The following ANKFN1 variants were observed in gnomAD, a reference collection of about 807,000 sequenced individuals.
The protein encoded by ANKFN1 is ankyrin repeat and fibronectin type-III domain-containing protein 1.
In ANKFN1, 74 loss-of-function variants were observed where a neutral mutation model predicts 108.7. The ratio of observed to expected loss-of-function variants is 0.68; its 90% CI spans 0.56 to 0.83. The LOEUF is 0.83. Ranked by LOEUF, ANKFN1 falls within the 40% of genes least tolerant of loss-of-function variation. ANKFN1 has a pLI of 0.00. For missense variants in ANKFN1, 1,505 were observed against 1,382.3 expected (o/e 1.09, Z -1.41); for synonymous variants, 547 against 516.2 (o/e 1.06, Z -0.81).
chr17:56,254,648 G>A (rs2043315125), intron 3 of ANKFN1, among the ~76,000 whole-genome samples: 2 of 152,134 alleles, frequency 1.3e-5, no homozygotes, highest in South Asian at 2.1e-4. Flanking sequence ...AACCCCTAGT[G>A]CACATCAGAA....
rs572060010 is a variant in ANKFN1 at position 56,432,431 on chromosome 17, T to C, written c.911-7896T>C. 3.1e-4 allele frequency among the ~76,000 whole-genome samples: 47 copies of C among 152,330 alleles called. No individual in the cohort carries two copies. In the South Asian group the frequency reaches 9.1e-3, roughly 30 times the overall value. ...ATGTATAATAAAATATTACTACACATAGTAATAAAATGTAATAATAATGAA... is the reference window on the plus strand; with the variant it reads ...ATGTATAATAAAATATTACTACACACAGTAATAAAATGTAATAATAATGAA... On this transcript the variant is annotated intron_variant, in intron 8 of 20. Coordinates refer to ENST00000682825, the MANE Select transcript of ANKFN1 (RefSeq NM_001370326.1).
At chr17:56,397,379 A>G (rs2047618871) in intron 8 of ANKFN1, among the ~76,000 whole-genome samples, 1 of 152,210 alleles carries the variant, frequency 6.6e-6, no homozygotes, top group Admixed American at 6.5e-5. Flanking sequence ...TAATTCATCA[A>G]GGGAATGGTG....
intron 8 of ANKFN1, among the ~76,000 whole-genome samples, chr17:56,436,498 C>G (rs978971917): frequency 6.6e-6 from 1 of 152,138 alleles, no homozygotes; most frequent in Non-Finnish European, 1.5e-5. Flanking sequence ...TACAACTTTC[C>G]AAAGAGAACA....
chr17:56,505,843 CA>C (rs1182079789), intron 20 of ANKFN1, among the ~76,000 whole-genome samples: 1 of 152,162 alleles, frequency 6.6e-6, no homozygotes, highest in East Asian at 1.9e-4. Flanking sequence ...TAGTCCCCTC[CA>C]AACAGTATGT....
At chr17:56,418,959 T>G (rs1161530218) in intron 8 of ANKFN1, among the ~76,000 whole-genome samples, 1 of 152,240 alleles carries the variant, frequency 6.6e-6, no homozygotes, top group Non-Finnish European at 1.5e-5. Context: ...AAGAGAAGCT[T>G]GGTTCAACTC....
At chr17:56,187,781 A>G (rs1312142414) in intron 1 of ANKFN1, among the ~76,000 whole-genome samples, 2 of 152,316 alleles carry the variant, frequency 1.3e-5, no homozygotes, top group South Asian at 4.1e-4. Flanking sequence ...TGTCCTTTAT[A>G]GGGACATGGA....
chr17:56,269,156 C>T (rs1446442932), intron 3 of ANKFN1, among the ~76,000 whole-genome samples: 1 of 152,126 alleles, frequency 6.6e-6, no homozygotes, highest in Non-Finnish European at 1.5e-5. Flanking sequence ...GGTTCTAGGT[C>T]ATGATAGCTG....
chr17:56,310,043 G>A (rs1451557011), intron 3 of ANKFN1, among the ~76,000 whole-genome samples: 1 of 152,180 alleles, frequency 6.6e-6, no homozygotes, highest in Non-Finnish European at 1.5e-5. Flanking sequence ...CCATGATGAT[G>A]TCAGTAGTTA....
intron 8 of ANKFN1, among the ~76,000 whole-genome samples, chr17:56,424,289 T>C (rs1382447817): frequency 2.0e-5 from 3 of 152,150 alleles, no homozygotes; most frequent in Non-Finnish European, 4.4e-5. Flanking sequence ...ACAACTGCTG[T>C]TTTCGTCACT....
intron 8 of ANKFN1, among the ~76,000 whole-genome samples, chr17:56,376,203 CAT>C (rs2046944031): frequency 6.6e-6 from 1 of 152,148 alleles, no homozygotes; most frequent in Non-Finnish European, 1.5e-5. Context: ...TGGGGAACTT[CAT>C]ATGTCTCTGC....
At chr17:56,242,937 T>G (rs1316635485) in intron 3 of ANKFN1, among the ~76,000 whole-genome samples, 4 of 152,116 alleles carry the variant, frequency 2.6e-5, no homozygotes, top group African/African-American at 9.7e-5. Flanking sequence ...ATGCTATGAT[T>G]TTGTTCTGTG....
intron 1 of ANKFN1, among the ~76,000 whole-genome samples, chr17:56,210,053 G>GATACATAC (rs1362983931): frequency 2.0e-4 from 27 of 132,410 alleles, no homozygotes; most frequent in African/African-American, 7.4e-4. Flanking sequence ...TAGATAGATA[G>GATACATAC]ATAGATACAT....
At chr17:56,381,879 A>G (rs1404349790) in intron 8 of ANKFN1, among the ~76,000 whole-genome samples, 1 of 152,224 alleles carries the variant, frequency 6.6e-6, no homozygotes, top group African/African-American at 2.4e-5. Context: ...ATTATCCAGG[A>G]GAACTTCCCC....
chr17:56,193,560 A>G (rs1295368681), intron 1 of ANKFN1, among the ~76,000 whole-genome samples: 1 of 151,620 alleles, frequency 6.6e-6, no homozygotes, highest in South Asian at 2.1e-4. Context: ...GTAAAAGTGC[A>G]TAATTTATTT....
At chr17:56,466,734 A>G (rs960159303) in intron 15 of ANKFN1, among the ~76,000 whole-genome samples, 163 bp downstream of exon 15, 4 of 151,968 alleles carry the variant, frequency 2.6e-5, no homozygotes, top group Admixed American at 2.0e-4. Context: ...TTTATTTATC[A>G]CTCCCTAGAT....
At chr17:56,098,690 C>T (rs191367259) in intron 4 of ANKFN1, among the ~76,000 whole-genome samples, 3 of 152,276 alleles carry the variant, frequency 2.0e-5, no homozygotes, top group African/African-American at 4.8e-5. Flanking sequence ...AAGCCTTCCC[C>T]TTTAACTGCA....
At chr17:56,223,548 C>T (rs894783100) in intron 2 of ANKFN1, among the ~76,000 whole-genome samples, 1 of 152,054 alleles carries the variant, frequency 6.6e-6, no homozygotes, top group African/African-American at 2.4e-5. Context: ...AATTCCAATA[C>T]CGTAGGAGAA....
rs76565932 is a variant in ANKFN1, at chr17:56,294,272, G to A, written c.54-31949G>A. 2.9e-4 allele frequency among the ~76,000 whole-genome samples: 44 copies of A among 152,276 alleles called. 2 individuals carry two copies. In the East Asian group the frequency reaches 8.5e-3, roughly 29 times the overall value. On this transcript the variant is annotated intron_variant, in intron 3 of 20. Transcript: ENST00000682825. Reference sequence around the variant, plus strand: ...CCCTCCAGTGGCTGGTAATCAAGAAGAGAATGCATGATTGCCCCTGGAAAC... The same window carrying A: ...CCCTCCAGTGGCTGGTAATCAAGAAAAGAATGCATGATTGCCCCTGGAAAC...
chr17:56,353,739 T>G lies in ANKFN1; in HGVS notation c.391-97T>G, dbSNP rs1175113685. ...TAGTTATTCCACTTATAAGTGGACA[T>G]GCAGTCCCTGAAACAGTCTTTAAAC... On this transcript the variant is annotated intron_variant, in intron 5 of 20. Transcript: ENST00000682825. 7 of 1,030,582 alleles carry G rather than the reference T, an allele frequency of 6.8e-6. No homozygotes were observed. The East Asian group carries it at 1.5e-4, about 22-fold the overall frequency. The allele number at this position is 1,030,582 out of a possible 1,614,324, so 63.8% of individuals were successfully genotyped here.
Sources: gnomAD v4.1 joint callset for allele counts (sites outside exome capture counted in the v4.1 genomes callset) on GRCh38, gnomAD v4.1.1 for gene constraint, MANE v1.5 for transcripts, NCBI Gene and HGNC (gene_info 2026-07-23, HGNC 2026-07-21) for gene names.